HMCN1: variants seen among roughly 807,000 people sequenced by gnomAD.
HMCN1 encodes hemicentin-1.
In HMCN1, 321 loss-of-function variants were observed where a neutral mutation model predicts 625.9. The ratio of observed to expected loss-of-function variants is 0.51; its 90% CI spans 0.47 to 0.56. The LOEUF (loss-of-function observed/expected upper bound fraction) is 0.56, where lower values mean the gene tolerates loss of function less well. Ranked by LOEUF, HMCN1 falls within the 20% of genes least tolerant of loss-of-function variation. HMCN1 has a pLI of 0.00. For synonymous variants in HMCN1, 2,425 were observed against 2,417.6 expected, an observed-to-expected ratio of 1.00 and a Z score of -0.09; for missense variants, 6,588 against 6,887.3, an observed-to-expected ratio of 0.96 and a Z score of 1.54.
chr1:185,927,434 G>A (rs376683695), intron 9 of HMCN1, among the ~76,000 whole-genome samples: 1 of 152,192 alleles, frequency 6.6e-6, no homozygotes, highest in South Asian at 2.1e-4. Context: ...AGGAAGCAAT[G>A]TTTAACTAAA....
intron 4 of HMCN1, among the ~76,000 whole-genome samples, chr1:185,902,405 C>CTATCTATCTA (rs903275348): frequency 6.9e-6 from 1 of 145,358 alleles, no homozygotes; most frequent in African/African-American, 2.6e-5. Flanking sequence ...ATCTATCTAT[C>CTATCTATCTA]TCTATCTATC....
intron 89 of HMCN1, among the ~76,000 whole-genome samples, chr1:186,141,931 T>C (rs1649987904): frequency 1.3e-5 from 2 of 152,170 alleles, no homozygotes; most frequent in African/African-American, 2.4e-5. Context: ...AACTGCAACA[T>C]AGTGTAACAA....
chr1:185,762,453 T>C lies in HMCN1; in HGVS notation c.268+27406T>C, dbSNP rs1373060114. Among the ~76,000 whole-genome samples the C allele has an allele frequency of 2.0e-5, 3 of 152,142 alleles. No individual in the cohort carries two copies. In the East Asian group the frequency reaches 5.8e-4, roughly 29 times the overall value. On this transcript the variant is annotated intron_variant, in intron 1 of 106. Transcript: ENST00000271588. The stretch of plus-strand genomic sequence containing the variant: ...TGTTATAAAATAAACTGAACAAAAC[T>C]TGTGGCTTGTGTTATTTTAGCTTAA...
At chr1:186,059,680 G>A (rs965925088) in intron 46 of HMCN1, among the ~76,000 whole-genome samples, 3 of 151,984 alleles carry the variant, frequency 2.0e-5, no homozygotes, top group Admixed American at 6.6e-5. Flanking sequence ...TAGTCCTCCT[G>A]AGAATTTAAG....
intron 4 of HMCN1, among the ~76,000 whole-genome samples, chr1:185,873,466 G>A (rs1663750784): frequency 6.6e-6 from 1 of 152,078 alleles, no homozygotes; most frequent in African/African-American, 2.4e-5. Flanking sequence ...TGCTGACCAT[G>A]ATCTCTTGAA....
At chr1:185,983,448 T>C (rs1006341912) in intron 18 of HMCN1, among the ~76,000 whole-genome samples, 2 of 151,832 alleles carry the variant, frequency 1.3e-5, no homozygotes, top group Non-Finnish European at 2.9e-5. Context: ...AAATAAAAAT[T>C]AAAAAAAAGT....
chr1:185,832,017 C>T (rs1017110726), intron 1 of HMCN1, among the ~76,000 whole-genome samples: 17 of 152,066 alleles, frequency 1.1e-4, no homozygotes, highest in Admixed American at 1.3e-4. Flanking sequence ...TGATAATGGC[C>T]GGGCGTGGTG....
At position 185,918,010 on chromosome 1, in the gene HMCN1, C is replaced by T. The variant is rs191319718; in HGVS notation, c.901-4369C>T. Among the ~76,000 whole-genome samples the T allele has an allele frequency of 8.0e-4, 121 of 152,162 alleles. 1 individual carries two copies. Among genetic ancestry groups the T allele is most frequent in the South Asian group, 6.2e-4 (3 of 4,818 alleles). ...GCTACCTATTTACAACTTTAGGATACCAATATATTATCTCTGTATTAGGGT... is the reference window on the plus strand; with the variant it reads ...GCTACCTATTTACAACTTTAGGATATCAATATATTATCTCTGTATTAGGGT... On this transcript the variant is annotated intron_variant, in intron 6 of 106. Transcript: ENST00000271588.
intron 9 of HMCN1, among the ~76,000 whole-genome samples, chr1:185,925,667 G>T (rs570424817): frequency 6.6e-6 from 1 of 150,842 alleles, no homozygotes; most frequent in African/African-American, 2.4e-5. Context: ...GAATAATGCC[G>T]GTAGGTGGAG....
chr1:185,865,669 GGTA>G, intron 3 of HMCN1, 69 bp from the exon 4 acceptor site: 1 of 1,264,518 alleles, frequency 7.9e-7, no homozygotes, highest in Non-Finnish European at 1.1e-6. Flanking sequence ...TAACACAATA[GGTA>G]GTCAATACAC....
intron 36 of HMCN1, among the ~76,000 whole-genome samples, chr1:186,034,586 C>T (rs996714469): frequency 2.0e-5 from 3 of 152,188 alleles, no homozygotes; most frequent in South Asian, 2.1e-4. Flanking sequence ...ACTTTCAGGT[C>T]GCTCGAAACC....
intron 89 of HMCN1, among the ~76,000 whole-genome samples, chr1:186,139,320 C>G (rs1649809015): frequency 1.3e-5 from 2 of 152,138 alleles, no homozygotes; most frequent in Admixed American, 6.5e-5. Context: ...AAGTACTGTC[C>G]TGACGTCTTA....
rs1199811240 is a variant in HMCN1 at position 185,927,929 on chromosome 1, AATAAAT to A, written c.1431-614_1431-609del. Among the ~76,000 whole-genome samples the A allele has an allele frequency of 4.6e-5, 7 of 152,302 alleles. 1 individual carries two copies. Among genetic ancestry groups the A allele is most frequent in the African/African-American group, 1.7e-4 (7 of 41,576 alleles). Reference sequence around the variant, plus strand: ...ATTTGAACAGTGTTAGAGGGCAAATAATAAATATTTATTAAATGAATGAATACATAA... The same window carrying A: ...ATTTGAACAGTGTTAGAGGGCAAATAATTTATTAAATGAATGAATACATAA... On this transcript the variant is annotated intron_variant, in intron 9 of 106. Transcript: ENST00000271588.
chr1:186,151,129 C>T (rs1253383980), intron 93 of HMCN1, 71 bp from the exon 94 acceptor site: 21 of 1,440,462 alleles, frequency 1.5e-5, no homozygotes, highest in Non-Finnish European at 1.7e-5. Context: ...TGAATACTGG[C>T]CCTCTTTTCT....
chr1:186,037,395 A>G (rs1195154486), intron 36 of HMCN1, among the ~76,000 whole-genome samples: 1 of 152,218 alleles, frequency 6.6e-6, no homozygotes, highest in Non-Finnish European at 1.5e-5. Context: ...AATTACTTAA[A>G]GTTGAAAACG....
chr1:186,081,535 T>C (rs1659171874), intron 56 of HMCN1, 141 bp downstream of exon 56: 2 of 638,700 alleles, frequency 3.1e-6, no homozygotes, highest in African/African-American at 3.7e-5. Context: ...AAGGTATATA[T>C]AATAAAATTC....
At chr1:185,796,507 A>T (rs1232303111) in intron 1 of HMCN1, among the ~76,000 whole-genome samples, 1 of 152,248 alleles carries the variant, frequency 6.6e-6, no homozygotes, top group Non-Finnish European at 1.5e-5. Flanking sequence ...GCTTCCGCTT[A>T]TAAGTGAGAA....
rs35031310 is a variant in HMCN1 at position 185,797,965 on chromosome 1, CAAAAAAAAAAAAAA to C, written c.269-48043_269-48030del. 1.0e-3 allele frequency among the ~76,000 whole-genome samples: 14 copies of C among 13,664 alleles called. 2 individuals carry two copies. The highest frequency in any genetic ancestry group is 0.011 in the South Asian group (2 of 176). 9.0% of individuals were successfully genotyped at this position (13,664 alleles called of 152,430 possible). ...TGGGCGACAGAGCGAGACTCCGTCT[CAAAAAAAAAAAAAA>C]AAAAAAAAAAAAAAAAAGACTTGTT... is the stretch of plus-strand genomic sequence containing the variant. On this transcript the variant is annotated intron_variant, in intron 1 of 106. Coordinates refer to ENST00000271588, the MANE Select transcript of HMCN1 (RefSeq NM_031935.3).
In HMCN1 at chr1:186,000,101, G is replaced by A. The variant is rs1653074175; in HGVS notation, c.3931G>A (p.Glu1311Lys). The A allele has an allele frequency of 3.1e-6, 5 of 1,612,986 alleles. No homozygotes were observed. The highest frequency in any genetic ancestry group is 3.3e-5 in the Admixed American group (2 of 59,878). Residue 1311 changes from glutamate (E) to lysine (K), a missense_variant, in exon 26 of 107, where the codon GAG becomes AAG. Coordinates refer to ENST00000271588, the MANE Select transcript of HMCN1 (RefSeq NM_031935.3). ...CAATGGTAGAGAGTTGACAGGCAGA[G>A]AGCCTGGCATTTCTATCTTGGAAGA... ...LHNGRELTGR[E>K]PGISILEDGT...
Sources: gnomAD v4.1 joint callset for allele counts (sites outside exome capture counted in the v4.1 genomes callset) on GRCh38, gnomAD v4.1.1 for gene constraint, MANE v1.5 for transcripts, NCBI Gene and HGNC (gene_info 2026-07-23, HGNC 2026-07-21) for gene names.